CLASP2: variants seen among roughly 807,000 people sequenced by gnomAD.
CLASP2 encodes the protein CLIP-associating protein 2.
A neutral mutation model predicts 194.4 loss-of-function variants in CLASP2; 47 were observed. That is an observed-to-expected ratio of 0.24 (90% CI 0.19 to 0.31). The LOEUF is 0.31. CLASP2 is among the 10% of genes least tolerant of loss of function. CLASP2 has a pLI of 1.00. For missense variants in CLASP2, 1,445 were observed against 1,823.6 expected, an observed-to-expected ratio of 0.79 and a Z score of 3.78; for synonymous variants, 619 against 633.5, an observed-to-expected ratio of 0.98 and a Z score of 0.34.
chr3:33,675,421 T>A (rs2088354611), intron 6 of CLASP2, among the ~76,000 whole-genome samples: 1 of 151,730 alleles, frequency 6.6e-6, no homozygotes, highest in South Asian at 2.1e-4. Flanking sequence ...AAATTAGGTA[T>A]TGATGGGACA....
At chr3:33,592,310 T>C in intron 21 of CLASP2, 85 bp downstream of exon 21, 1 of 942,826 alleles carries the variant, frequency 1.1e-6, no homozygotes, top group Non-Finnish European at 1.7e-6. Context: ...TATCCACTGG[T>C]CAATCGTCTA....
rs2046117132 is a variant in CLASP2 at position 33,498,696 on chromosome 3, T to C, written c.4456A>G (p.Ile1486Val). The C allele has an allele frequency of 1.2e-6, 2 of 1,613,212 alleles. No homozygotes were observed. Among genetic ancestry groups the C allele is most frequent in the African/African-American group, 1.3e-5 (1 of 75,028 alleles). Residue 1486 changes from isoleucine to valine, a missense_variant, in exon 39 of 39, where the codon ATC becomes GTC. Transcript: ENST00000682230. Reference protein sequence around the residue: ...GSKMKLLNLYIKRAQTGSGGA... With the variant: ...GSKMKLLNLYVKRAQTGSGGA... ...CCAGAACCTGTTTGTGCACGTTTGATGTAAAGATTCAGTAGCTTCATCTGC... is the reference window on the plus strand; with the variant it reads ...CCAGAACCTGTTTGTGCACGTTTGACGTAAAGATTCAGTAGCTTCATCTGC...
At chr3:33,619,318 G>C (rs576670784) in intron 12 of CLASP2, among the ~76,000 whole-genome samples, 1 of 152,006 alleles carries the variant, frequency 6.6e-6, no homozygotes, top group Admixed American at 6.6e-5. Flanking sequence ...ATACACACAC[G>C]TAACTGTAGA....
At chr3:33,516,918 A>G in intron 35 of CLASP2, 63 bp downstream of exon 35, 2 of 1,372,220 alleles carry the variant, frequency 1.5e-6, no homozygotes, top group Non-Finnish European at 2.0e-6. Flanking sequence ...GTAGCATTAG[A>G]TTAACAGGCA....
intron 10 of CLASP2, among the ~76,000 whole-genome samples, chr3:33,623,221 C>A (rs1325242848): frequency 6.6e-6 from 1 of 152,160 alleles, no homozygotes; most frequent in African/African-American, 2.4e-5. Context: ...ATCAGGGTAA[C>A]TGGGGTATCC....
chr3:33,671,171 C>T (rs1242721108), intron 6 of CLASP2, among the ~76,000 whole-genome samples: 1 of 152,090 alleles, frequency 6.6e-6, no homozygotes, highest in African/African-American at 2.4e-5. Context: ...GTGGGAAACA[C>T]TTAGAAACAT....
At chr3:33,560,747 CAG>C (rs2154178397) in intron 28 of CLASP2, 59 bp downstream of exon 28, 1 of 1,433,624 alleles carries the variant, frequency 7.0e-7, no homozygotes, top group Admixed American at 1.8e-5. Context: ...ACTATTAACA[CAG>C]GGGTTAGATA....
At chr3:33,642,539 T>C (rs2081503716) in intron 8 of CLASP2, among the ~76,000 whole-genome samples, 1 of 151,950 alleles carries the variant, frequency 6.6e-6, no homozygotes, top group South Asian at 2.1e-4. Context: ...TTGTTCTAAA[T>C]TTTAATTCAG....
chr3:33,646,463 C>A (rs928283708), intron 7 of CLASP2, among the ~76,000 whole-genome samples: 3 of 151,900 alleles, frequency 2.0e-5, no homozygotes, highest in Non-Finnish European at 4.4e-5. Context: ...AGTACATAGA[C>A]GGCTTTGTTA....
Position 33,639,340 on chromosome 3 carries a change from G to A in CLASP2, c.862+5417C>T, listed in dbSNP as rs534642514. On this transcript the variant is annotated intron_variant, in intron 8 of 38. Transcript: ENST00000682230. ...CCCCAAGTGCTGGTATTACAGGTGT[G>A]AGCCACCATGTCCCAATATGGTCCT... is the stretch of plus-strand genomic sequence containing the variant. Among the ~76,000 whole-genome samples, 5 of 152,292 alleles carry A rather than the reference G, an allele frequency of 3.3e-5. No homozygotes were observed. In the East Asian group the frequency reaches 7.7e-4, roughly 23 times the overall value.
intron 21 of CLASP2, among the ~76,000 whole-genome samples, chr3:33,591,063 C>A (rs191751510): frequency 6.6e-6 from 1 of 152,162 alleles, no homozygotes; most frequent in Non-Finnish European, 1.5e-5. Flanking sequence ...CTAGTCCCAG[C>A]TGCTTGAGAG....
intron 27 of CLASP2, among the ~76,000 whole-genome samples, chr3:33,566,148 T>C (rs1323666766): frequency 2.0e-5 from 3 of 152,192 alleles, no homozygotes; most frequent in Non-Finnish European, 2.9e-5. Flanking sequence ...TATGCCCCCA[T>C]TTCCTAATCT....
intron 11 of CLASP2, among the ~76,000 whole-genome samples, chr3:33,621,776 A>G (rs1443867619): frequency 6.6e-6 from 1 of 152,216 alleles, no homozygotes; most frequent in Non-Finnish European, 1.5e-5. Flanking sequence ...TGCCAGAATA[A>G]TTGCTAAAAT....
chr3:33,559,282 T>C (rs367945364), intron 29 of CLASP2, 25 bp downstream of exon 29: 1 of 1,315,962 alleles, frequency 7.6e-7, no homozygotes. Flanking sequence ...CTTTATAATG[T>C]CTTCAAAAGA....
At chr3:33,503,085 A>G (rs1396242804) in intron 37 of CLASP2, 1 of 152,208 alleles carries the variant, frequency 6.6e-6, no homozygotes, top group African/African-American at 2.4e-5. Context: ...GGTATGTGAC[A>G]AGAACAGGCC....
chr3:33,529,720 G>T (rs563427071), intron 34 of CLASP2, among the ~76,000 whole-genome samples: 1 of 152,092 alleles, frequency 6.6e-6, no homozygotes, highest in Non-Finnish European at 1.5e-5. Flanking sequence ...GGTGGCTCAC[G>T]CCTGTAATCC....
chr3:33,544,952 G>A (rs956495697), intron 30 of CLASP2, 111 bp from the exon 31 acceptor site: 1 of 671,080 alleles, frequency 1.5e-6, no homozygotes, highest in Admixed American at 4.0e-5. Context: ...TCTTTCCCAG[G>A]GAAAAGGAAG....
At chr3:33,600,953 CTTTTTTTTTTTTT>C (rs1205156622) in intron 18 of CLASP2, among the ~76,000 whole-genome samples, 1 of 105,782 alleles carries the variant, frequency 9.5e-6, no homozygotes, top group South Asian at 3.4e-4. Context: ...CTTGATAAGG[CTTTTTTTTTTTTT>C]TTTTTTTTTT....
Position 33,501,817 on chromosome 3 carries a change from T to C in CLASP2, c.4318-49A>G, listed in dbSNP as rs748162707. On this transcript the variant is annotated intron_variant, in intron 37 of 38. Coordinates refer to ENST00000682230, the MANE Select transcript of CLASP2 (RefSeq NM_001365631.1). The stretch of plus-strand genomic sequence containing the variant: ...GTACTCCAGAGAAGTCCACTGTTAG[T>C]ACTCCCTTTTTAACAGGGTCAGAAG... 38 of 1,160,196 alleles carry C rather than the reference T, an allele frequency of 3.3e-5. No homozygotes were observed. In the South Asian group the frequency reaches 4.7e-4, roughly 14 times the overall value. 71.9% of individuals were successfully genotyped at this position (1,160,196 alleles called of 1,614,324 possible).
Sources: gnomAD v4.1 joint callset for allele counts (sites outside exome capture counted in the v4.1 genomes callset) on GRCh38, gnomAD v4.1.1 for gene constraint, MANE v1.5 for transcripts, NCBI Gene and HGNC (gene_info 2026-07-23, HGNC 2026-07-21) for gene names.